Variants in RBM20 observed in about 807,000 individuals in gnomAD.
RBM20 encodes the protein RNA-binding protein 20.
RBM20 carries 51 observed loss-of-function variants against 110.1 expected under a neutral mutation model. That is an observed-to-expected ratio of 0.46 (90% CI 0.37 to 0.59). The LOEUF is 0.59. Ranked by LOEUF, RBM20 falls within the 20% of genes least tolerant of loss-of-function variation. The pLI is 0.00. For synonymous variants in RBM20, 589 were observed against 618.2 expected (o/e 0.95, Z 0.70); for missense variants, 1,512 against 1,574.9 (o/e 0.96, Z 0.68).
intron 1 of RBM20, among the ~76,000 whole-genome samples, chr10:110,709,846 G>A (rs919795149): frequency 1.3e-5 from 2 of 152,060 alleles, no homozygotes; most frequent in African/African-American, 4.8e-5. Flanking sequence ...TGGGATTACA[G>A]GCATGAGCAG....
intron 1 of RBM20, among the ~76,000 whole-genome samples, chr10:110,682,387 C>G (rs571449294): frequency 2.0e-5 from 3 of 152,170 alleles, no homozygotes; most frequent in Middle Eastern, 6.8e-3. Flanking sequence ...CTATCTAGGG[C>G]CAGATAGTAA....
chr10:110,703,910 G>A (rs35966949), intron 1 of RBM20, among the ~76,000 whole-genome samples: 1,933 of 152,236 alleles, frequency 0.013, 17 homozygotes, highest in Middle Eastern at 0.051. Flanking sequence ...CCAGGAGTTC[G>A]AGACCAGCCT....
At chr10:110,738,764 G>A (rs894206495) in intron 1 of RBM20, among the ~76,000 whole-genome samples, 3 of 152,146 alleles carry the variant, frequency 2.0e-5, no homozygotes, top group Non-Finnish European at 4.4e-5. Flanking sequence ...TCCTGGAGCT[G>A]AAGGAGTGCC....
intron 1 of RBM20, among the ~76,000 whole-genome samples, chr10:110,655,158 C>T (rs1185892049): frequency 6.6e-6 from 1 of 152,122 alleles, no homozygotes; most frequent in Non-Finnish European, 1.5e-5. Context: ...AAATCCATCA[C>T]TTACAAGAAA....
At chr10:110,785,513 A>G (rs1368297549) in intron 5 of RBM20, among the ~76,000 whole-genome samples, 2 of 152,164 alleles carry the variant, frequency 1.3e-5, no homozygotes, top group Non-Finnish European at 2.9e-5. Context: ...CCGAGATCGC[A>G]CCACTGCACT....
At chr10:110,744,203 G>A (rs1194102257) in intron 1 of RBM20, among the ~76,000 whole-genome samples, 2 of 152,160 alleles carry the variant, frequency 1.3e-5, no homozygotes, top group Non-Finnish European at 2.9e-5. Flanking sequence ...AAGATCACAC[G>A]AAATAGCGCC....
At chr10:110,786,022 C>T (rs752859535) in intron 5 of RBM20, among the ~76,000 whole-genome samples, 6 of 152,182 alleles carry the variant, frequency 3.9e-5, no homozygotes, top group Admixed American at 6.5e-5. Flanking sequence ...CTGCAACATA[C>T]ATTTTCGTCC....
intron 1 of RBM20, among the ~76,000 whole-genome samples, chr10:110,692,920 G>A (rs1862608770): frequency 6.6e-6 from 1 of 152,064 alleles, no homozygotes; most frequent in Admixed American, 6.6e-5. Context: ...CCTTTATCAT[G>A]CTGAGGAAGT....
chr10:110,684,163 G>A (rs775082656), intron 1 of RBM20, among the ~76,000 whole-genome samples: 83 of 152,210 alleles, frequency 5.5e-4, no homozygotes, highest in Non-Finnish European at 1.1e-3. Context: ...GGGAGGCCGA[G>A]GCAGGTGGAT....
At chr10:110,647,236 A>T (rs969060593) in intron 1 of RBM20, among the ~76,000 whole-genome samples, 6 of 152,252 alleles carry the variant, frequency 3.9e-5, no homozygotes, top group African/African-American at 1.4e-4. Context: ...ATTTACAAAG[A>T]TAAACACATG....
chr10:110,830,981 T>C, intron 12 of RBM20, 80 bp from the exon 13 acceptor site: 1 of 1,414,890 alleles, frequency 7.1e-7, no homozygotes, highest in Non-Finnish European at 9.5e-7. Context: ...CTCCCATTTC[T>C]ACCTGATGGC....
At chr10:110,810,703 C>A (rs1347349956) in intron 8 of RBM20, among the ~76,000 whole-genome samples, 3 of 152,156 alleles carry the variant, frequency 2.0e-5, no homozygotes, top group Admixed American at 2.0e-4. Context: ...AGCTCCTCAC[C>A]CTTTGTTGGA....
At chr10:110,693,170 T>C (rs1862612863) in intron 1 of RBM20, among the ~76,000 whole-genome samples, 1 of 152,164 alleles carries the variant, frequency 6.6e-6, no homozygotes, top group South Asian at 2.1e-4. Flanking sequence ...TGCAAGTATT[T>C]TGTTGAGGAT....
At chr10:110,791,159 G>T (rs1053776154) in intron 5 of RBM20, among the ~76,000 whole-genome samples, 10 of 152,172 alleles carry the variant, frequency 6.6e-5, no homozygotes, top group African/African-American at 2.2e-4. Context: ...GCAACCATTT[G>T]CTATCTGCAT....
chr10:110,816,967 C>G (rs564522373), intron 9 of RBM20, among the ~76,000 whole-genome samples: 52 of 152,348 alleles, frequency 3.4e-4, no homozygotes, highest in African/African-American at 1.1e-3. Flanking sequence ...GCGTGCTGCT[C>G]CGTGGTGATG....
intron 1 of RBM20, among the ~76,000 whole-genome samples, chr10:110,728,447 A>T (rs553792090): frequency 6.6e-6 from 1 of 152,266 alleles, no homozygotes; most frequent in African/African-American, 2.4e-5. Flanking sequence ...GATAAGGTTG[A>T]TTCTTTACTA....
At chr10:110,808,126 G>T (rs1590692882) in intron 7 of RBM20, among the ~76,000 whole-genome samples, 1 of 152,248 alleles carries the variant, frequency 6.6e-6, no homozygotes, top group African/African-American at 2.4e-5. Context: ...CCCAAGGTGG[G>T]CAGGCAGGAA....
chr10:110,744,111 G>C (rs1253567295), intron 1 of RBM20, among the ~76,000 whole-genome samples: 1 of 152,210 alleles, frequency 6.6e-6, no homozygotes, highest in Non-Finnish European at 1.5e-5. Context: ...CTTGCTGGCT[G>C]TGTGGCACTG....
intron 1 of RBM20, among the ~76,000 whole-genome samples, chr10:110,682,171 C>T (rs10787267): frequency 0.58 from 88,384 of 152,074 alleles, 27,870 homozygotes; most frequent in South Asian, 0.69. Flanking sequence ...GGATTACAGG[C>T]GTGAGCCATC....
Sources: gnomAD v4.1 joint callset for allele counts (sites outside exome capture counted in the v4.1 genomes callset) on GRCh38, gnomAD v4.1.1 for gene constraint, MANE v1.5 for transcripts, NCBI Gene and HGNC (gene_info 2026-07-23, HGNC 2026-07-21) for gene names.